BTRC: variants seen among roughly 807,000 people sequenced by gnomAD.
BTRC encodes beta-transducin repeat containing E3 ubiquitin protein ligase.
BTRC carries 42 observed loss-of-function variants against 85.5 expected under a neutral mutation model. That is an observed-to-expected ratio of 0.49 (90% CI 0.38 to 0.64). The LOEUF (loss-of-function observed/expected upper bound fraction) is 0.64, where lower values mean the gene tolerates loss of function less well. BTRC is among the 30% of genes least tolerant of loss of function. The pLI is 0.00. For synonymous variants in BTRC, 255 were observed against 263.3 expected, an observed-to-expected ratio of 0.97 and a Z score of 0.30; for missense variants, 594 against 743.5, an observed-to-expected ratio of 0.80 and a Z score of 2.34.
At chr10:101,440,526 G>A (rs1199529171) in intron 2 of BTRC, among the ~76,000 whole-genome samples, 2 of 151,996 alleles carry the variant, frequency 1.3e-5, no homozygotes, top group Admixed American at 6.6e-5. Context: ...TTCGAGACCA[G>A]CCTGGGAAAC....
intron 1 of BTRC, among the ~76,000 whole-genome samples, chr10:101,398,460 G>A (rs1185023748): frequency 6.6e-6 from 1 of 151,874 alleles, no homozygotes; most frequent in Non-Finnish European, 1.5e-5. Context: ...CCGACACTGT[G>A]CCCAGATAAT....
At chr10:101,508,827 T>A (rs181173426) in intron 4 of BTRC, among the ~76,000 whole-genome samples, 50 of 145,362 alleles carry the variant, frequency 3.4e-4, no homozygotes, top group African/African-American at 1.1e-3. Flanking sequence ...GGCAGGAGAA[T>A]GGCGTGAACC....
intron 4 of BTRC, among the ~76,000 whole-genome samples, chr10:101,505,157 G>GTGTATATA (rs1554889442): frequency 2.5e-5 from 3 of 118,928 alleles, no homozygotes; most frequent in Non-Finnish European, 5.2e-5. Context: ...ATATGTATAT[G>GTGTATATA]TATATATATA....
intron 1 of BTRC, among the ~76,000 whole-genome samples, chr10:101,416,528 G>A (rs569788221): frequency 6.6e-6 from 1 of 152,192 alleles, no homozygotes; most frequent in South Asian, 2.1e-4. Flanking sequence ...CTCTTCCATG[G>A]TGTCAATTGA....
At chr10:101,462,644 A>C (rs1471344787) in intron 3 of BTRC, among the ~76,000 whole-genome samples, 4 of 147,410 alleles carry the variant, frequency 2.7e-5, no homozygotes, top group Non-Finnish European at 4.5e-5. Context: ...GCGCCATTGC[A>C]CTCCAGCCTG....
intron 7 of BTRC, 22 bp from the exon 8 acceptor site, chr10:101,532,273 C>G: frequency 1.2e-6 from 2 of 1,600,068 alleles, no homozygotes; most frequent in East Asian, 2.2e-5. Flanking sequence ...AACACTGCCT[C>G]TTTCCCATTC....
chr10:101,387,734 G>A (rs528595745), intron 1 of BTRC, among the ~76,000 whole-genome samples: 104 of 151,276 alleles, frequency 6.9e-4, no homozygotes, highest in African/African-American at 2.4e-3. Context: ...CTGTCGCCCA[G>A]GCTGAAGTGC....
chr10:101,476,643 A>G (rs1171229062), intron 3 of BTRC, among the ~76,000 whole-genome samples: 2 of 151,344 alleles, frequency 1.3e-5, no homozygotes, highest in Admixed American at 1.3e-4. Flanking sequence ...TTTTTTTTAA[A>G]TAGAAATGTG....
intron 2 of BTRC, among the ~76,000 whole-genome samples, chr10:101,454,828 T>C (rs1589489482): frequency 6.6e-6 from 1 of 152,148 alleles, no homozygotes. Flanking sequence ...TCATATCACC[T>C]GTTGGTGAGA....
intron 1 of BTRC, among the ~76,000 whole-genome samples, chr10:101,373,694 G>T (rs1237215870): frequency 6.6e-6 from 1 of 152,138 alleles, no homozygotes; most frequent in Non-Finnish European, 1.5e-5. Flanking sequence ...GAGGTGGGCG[G>T]ATCACGAGGT....
intron 1 of BTRC, among the ~76,000 whole-genome samples, chr10:101,396,507 G>GC (rs1943367902): frequency 6.7e-6 from 1 of 150,102 alleles, no homozygotes; most frequent in South Asian, 2.1e-4. Flanking sequence ...CTAGTATTAA[G>GC]CCCACTACTC....
chr10:101,456,013 C>CACACACACACACACAG (rs1279383373), intron 2 of BTRC, among the ~76,000 whole-genome samples: 2 of 150,834 alleles, frequency 1.3e-5, no homozygotes, highest in South Asian at 2.1e-4. Context: ...CACACACACA[C>CACACACACACACACAG]ACACAAAATT....
chr10:101,366,967 A>AAT (rs1564730605), intron 1 of BTRC, among the ~76,000 whole-genome samples: 3 of 30,024 alleles, frequency 1.0e-4, no homozygotes, highest in African/African-American at 1.7e-4. Flanking sequence ...TATTTATATA[A>AAT]ATATATATTT....
At chr10:101,358,644 T>G (rs1942112339) in intron 1 of BTRC, among the ~76,000 whole-genome samples, 1 of 152,214 alleles carries the variant, frequency 6.6e-6, no homozygotes, top group Non-Finnish European at 1.5e-5. Context: ...CACTTGGTAT[T>G]GGCTGAGGTG....
intron 10 of BTRC, among the ~76,000 whole-genome samples, chr10:101,535,125 G>C (rs1263727272): frequency 6.6e-6 from 1 of 152,196 alleles, no homozygotes; most frequent in Non-Finnish European, 1.5e-5. Flanking sequence ...AGTGTGAGAA[G>C]AGACTAACCC....
chr10:101,554,594 A>G lies in BTRC; in HGVS notation c.*1471A>G, dbSNP rs1415637765. On this transcript the variant is annotated 3_prime_UTR_variant, in exon 15 of 15. Transcript: ENST00000370187. ...GAAGTTTGGCACACAGGGTTTATTA[A>G]TGGGGCAAAAACTGCCTTTTCTTCC... The G allele has an allele frequency of 1.3e-5, 2 of 152,606 alleles. No homozygotes were observed. Among genetic ancestry groups the G allele is most frequent in the African/African-American group, 2.4e-5 (1 of 41,434 alleles). 9.5% of individuals were successfully genotyped at this position (152,606 alleles called of 1,614,324 possible).
chr10:101,472,113 T>A (rs1945540622), intron 3 of BTRC, among the ~76,000 whole-genome samples: 1 of 152,210 alleles, frequency 6.6e-6, no homozygotes, highest in African/African-American at 2.4e-5. Context: ...ACTTTTCTTT[T>A]ACATCTATAT....
At chr10:101,485,511 A>G (rs950379851) in intron 4 of BTRC, among the ~76,000 whole-genome samples, 16 of 152,244 alleles carry the variant, frequency 1.1e-4, no homozygotes, top group Admixed American at 9.8e-4. Context: ...GAATATAGAC[A>G]GAATATAGAC....
intron 1 of BTRC, among the ~76,000 whole-genome samples, chr10:101,386,893 CTT>C (rs1943093377): frequency 6.6e-6 from 1 of 152,122 alleles, no homozygotes; most frequent in Admixed American, 6.5e-5. Context: ...CTACTAGAGA[CTT>C]TTTGAGTTTT....
Sources: gnomAD v4.1 joint callset for allele counts (sites outside exome capture counted in the v4.1 genomes callset) on GRCh38, gnomAD v4.1.1 for gene constraint, MANE v1.5 for transcripts, NCBI Gene and HGNC (gene_info 2026-07-23, HGNC 2026-07-21) for gene names.